DDHD1: variants seen among roughly 807,000 people sequenced by gnomAD.
DDHD1 encodes the protein phospholipase DDHD1.
A neutral mutation model predicts 96.4 loss-of-function variants in DDHD1; 49 were observed. The ratio of observed to expected loss-of-function variants is 0.51; its 90% CI spans 0.40 to 0.64. DDHD1 has a LOEUF of 0.64. Ranked by LOEUF, DDHD1 falls within the 30% of genes least tolerant of loss-of-function variation. DDHD1 has a pLI of 0.00. For synonymous variants in DDHD1, 442 were observed against 446.5 expected, an observed-to-expected ratio of 0.99 and a Z score of 0.13; for missense variants, 1,106 against 1,161.2, an observed-to-expected ratio of 0.95 and a Z score of 0.69.
chr14:53,071,632 A>G (rs1884516050), intron 6 of DDHD1, among the ~76,000 whole-genome samples: 1 of 152,088 alleles, frequency 6.6e-6, no homozygotes, highest in Non-Finnish European at 1.5e-5. Context: ...GATTCCTGAT[A>G]AATAAATTTT....
At chr14:53,061,811 A>C (rs1313859022) in intron 7 of DDHD1, among the ~76,000 whole-genome samples, 1 of 152,098 alleles carries the variant, frequency 6.6e-6, no homozygotes, top group African/African-American at 2.4e-5. Context: ...AGGTGGGTGG[A>C]TCACTTAAGG....
intron 1 of DDHD1, among the ~76,000 whole-genome samples, chr14:53,146,037 T>C (rs1447379882): frequency 6.6e-6 from 1 of 151,802 alleles, no homozygotes; most frequent in Non-Finnish European, 1.5e-5. Context: ...TGAAACCCTG[T>C]CTCTACTGAA....
chr14:53,081,430 GTGCTGCTGTTTGAATT>G (rs1335241873), intron 4 of DDHD1, among the ~76,000 whole-genome samples: 1 of 152,218 alleles, frequency 6.6e-6, no homozygotes. Context: ...AGTGGTACAT[GTGCTGCTGTTTGAATT>G]TGCACACAAA....
In DDHD1 at chr14:53,055,700, A is replaced by G; in HGVS notation, c.2205T>C (p.Tyr735=). ...TGCCTATATTTGTTATAGATTCTCCATAGTGTCGGCGGGACAAAACTGGTG... is the reference window on the plus strand; with the variant it reads ...TGCCTATATTTGTTATAGATTCTCCGTAGTGTCGGCGGGACAAAACTGGTG... The part of the protein sequence containing the change: ...VTSPVLSRRH[Y]GESITNIGKA... Residue 735 remains tyrosine, a synonymous_variant, in exon 10 of 13, where the codon TAT becomes TAC. Coordinates refer to ENST00000673822, the MANE Select transcript of DDHD1 (RefSeq NM_001160148.2). The G allele has an allele frequency of 6.2e-7, 1 of 1,614,138 alleles. No homozygotes were observed. Among genetic ancestry groups the G allele is most frequent in the Non-Finnish European group, 8.5e-7 (1 of 1,179,970 alleles).
At chr14:53,132,539 G>C (rs1358437296) in intron 1 of DDHD1, among the ~76,000 whole-genome samples, 3 of 152,090 alleles carry the variant, frequency 2.0e-5, no homozygotes, top group Admixed American at 2.0e-4. Flanking sequence ...CTACCTCTCA[G>C]CAAGCCGAAC....
chr14:53,038,043 T>C lies in DDHD1; in HGVS notation c.*8725A>G, dbSNP rs914555016. 5 of 151,964 alleles carry C rather than the reference T, an allele frequency of 3.3e-5. No homozygotes were observed. The South Asian group carries it at 6.2e-4, about 19-fold the overall frequency. The allele number at this position is 151,964 out of a possible 1,614,324, so 9.4% of individuals were successfully genotyped here. ...CAACAGACTAGGTATCAAAGGAACA[T>C]ATCTCAAAATAATAAGAGCCATCTA... On this transcript the variant is annotated 3_prime_UTR_variant, in exon 13 of 13. Transcript: ENST00000673822.
At chr14:53,109,984 C>A (rs1460057697) in intron 1 of DDHD1, among the ~76,000 whole-genome samples, 4 of 152,136 alleles carry the variant, frequency 2.6e-5, no homozygotes, top group Non-Finnish European at 5.9e-5. Context: ...GTCATGAAAC[C>A]CTTAGCTTCC....
At chr14:53,118,945 T>C (rs2139788975) in intron 1 of DDHD1, among the ~76,000 whole-genome samples, 1 of 152,240 alleles carries the variant, frequency 6.6e-6, no homozygotes, top group South Asian at 2.1e-4. Context: ...GGAAAGCCCA[T>C]CAGACTAACG....
At position 53,093,382 on chromosome 14, in the gene DDHD1, G is replaced by C. The variant is rs1386520903; in HGVS notation, c.1075C>G (p.Leu359Val). The C allele has an allele frequency of 6.2e-7, 1 of 1,613,028 alleles. No homozygotes were observed. Among genetic ancestry groups the C allele is most frequent in the South Asian group, 1.1e-5 (1 of 90,704 alleles). ...VDWHSVDEVY[L>V]YSDATTSKIA... Reference sequence around the variant, plus strand: ...TTAGATGTTGTTGCATCACTATAAAGATATACTTCATCCACACTGTGCCAG... The same window carrying C: ...TTAGATGTTGTTGCATCACTATAAACATATACTTCATCCACACTGTGCCAG... The change falls in exon 3 of 13, where the codon CTT (leucine) becomes GTT (valine). Residue 359 changes from leucine (L) to valine (V), a missense_variant. Physicochemically the swap from Leu to Val is conservative, Grantham distance 32. Transcript: ENST00000673822.
intron 1 of DDHD1, among the ~76,000 whole-genome samples, chr14:53,123,222 T>C (rs554331746): frequency 6.6e-6 from 1 of 151,226 alleles, no homozygotes; most frequent in African/African-American, 2.4e-5. Context: ...TCTCAGCTCA[T>C]TGCAACCTCC....
intron 12 of DDHD1, among the ~76,000 whole-genome samples, chr14:53,047,620 G>C (rs1355371495): frequency 6.6e-6 from 1 of 152,158 alleles, no homozygotes; most frequent in Non-Finnish European, 1.5e-5. Flanking sequence ...GTTAAACAGG[G>C]AGGAGCAGTG....
intron 6 of DDHD1, among the ~76,000 whole-genome samples, chr14:53,065,603 T>C (rs951841279): frequency 4.6e-5 from 7 of 152,164 alleles, no homozygotes; most frequent in African/African-American, 1.4e-4. Context: ...TACACAACTT[T>C]TCCCCTAACC....
intron 6 of DDHD1, among the ~76,000 whole-genome samples, chr14:53,064,566 A>C (rs560045586): frequency 3.9e-5 from 6 of 152,258 alleles, no homozygotes; most frequent in African/African-American, 1.4e-4. Flanking sequence ...AAAAAACAAG[A>C]TCAAATTATC....
rs567552165 is a variant in DDHD1, at chr14:53,073,378, G to A, written c.1396+363C>T. 6.9e-3 allele frequency among the ~76,000 whole-genome samples: 1,053 copies of A among 152,046 alleles called. 4 individuals carry two copies. Among genetic ancestry groups the A allele is most frequent in the Non-Finnish European group, 0.012 (786 of 67,880 alleles). On this transcript the variant is annotated intron_variant, in intron 5 of 12. Transcript: ENST00000673822. ...TTATTAGAAAGAAAAATGTAAGCTC[G>A]TATGGAATTATGGAAAACAAATATT...
chr14:53,054,257 C>A, intron 11 of DDHD1, 181 bp downstream of exon 11: 1 of 550,556 alleles, frequency 1.8e-6, no homozygotes, highest in Non-Finnish European at 3.1e-6. Context: ...AGTAAAACTG[C>A]ATTTTCCTGG....
chr14:53,133,694 C>T (rs891536025), intron 1 of DDHD1, among the ~76,000 whole-genome samples: 1 of 152,108 alleles, frequency 6.6e-6, no homozygotes, highest in Non-Finnish European at 1.5e-5. Context: ...TTTCATTAGG[C>T]CCCAGTCTCA....
intron 4 of DDHD1, among the ~76,000 whole-genome samples, chr14:53,077,161 G>A (rs973129803): frequency 6.6e-6 from 1 of 152,070 alleles, no homozygotes; most frequent in Non-Finnish European, 1.5e-5. Context: ...TTAGTTATAG[G>A]GGCTTCATCA....
At chr14:53,098,013 G>C (rs1887017265) in intron 2 of DDHD1, among the ~76,000 whole-genome samples, 1 of 151,926 alleles carries the variant, frequency 6.6e-6, no homozygotes, top group African/African-American at 2.4e-5. Context: ...AGCATACAGA[G>C]CTTAACTTTT....
At position 53,044,471 on chromosome 14, in the gene DDHD1, A is replaced by G. The variant is rs1228973454; in HGVS notation, c.*2297T>C. The G allele has an allele frequency of 6.6e-6, 1 of 152,190 alleles. No individual in the cohort carries two copies. The highest frequency in any genetic ancestry group is 1.5e-5 in the Non-Finnish European group (1 of 68,024). The allele number at this position is 152,190 out of a possible 1,614,324, so 9.4% of individuals were successfully genotyped here. A position where few individuals can be genotyped will look rare whatever the true frequency, so the allele number is the denominator to read the frequency against. Reference sequence around the variant, plus strand: ...CTAGTGGTTAAGAATAAATCCCTTCAAGTTCTTATGCATTTGAGTGTCATA... The same window carrying G: ...CTAGTGGTTAAGAATAAATCCCTTCGAGTTCTTATGCATTTGAGTGTCATA... On this transcript the variant is annotated 3_prime_UTR_variant, in exon 13 of 13. Coordinates refer to ENST00000673822, the MANE Select transcript of DDHD1 (RefSeq NM_001160148.2).
Sources: gnomAD v4.1 joint callset for allele counts (sites outside exome capture counted in the v4.1 genomes callset) on GRCh38, gnomAD v4.1.1 for gene constraint, MANE v1.5 for transcripts, NCBI Gene and HGNC (gene_info 2026-07-23, HGNC 2026-07-21) for gene names.